GALNT17: variants seen among roughly 807,000 people sequenced by gnomAD.
GALNT17 encodes the protein polypeptide N-acetylgalactosaminyltransferase 17.
Under a neutral mutation model 63.7 loss-of-function variants are expected in GALNT17, and 29 were observed. That is an observed-to-expected ratio of 0.46 (90% confidence interval 0.34 to 0.62). The LOEUF is 0.62. GALNT17 is among the 20% of genes least tolerant of loss of function. The probability of loss-of-function intolerance (pLI) is 0.01; values close to 1 mark genes in which losing one functional copy is unlikely to be tolerated. For missense variants in GALNT17, 603 were observed against 799.6 expected (o/e 0.75, Z 2.97); for synonymous variants, 305 against 318.3 (o/e 0.96, Z 0.45).
chr7:71,710,808 GACC>G lies in GALNT17; in HGVS notation c.1554_1556del (p.Thr519del). ...GCTTCCTGCACTTGGGTGCCCTGGG[GACC>G]ACCACACTCCTCCCTGACACCCGCT... On this transcript the variant is annotated inframe_deletion, in exon 10 of 11. Transcript: ENST00000333538. 3 of 1,613,406 alleles carry G rather than the reference GACC, an allele frequency of 1.9e-6. No individual in the cohort carries two copies. The highest frequency in any genetic ancestry group is 2.5e-6 in the Non-Finnish European group (3 of 1,179,942).
chr7:71,494,119 A>T (rs1788055463), intron 5 of GALNT17, among the ~76,000 whole-genome samples: 3 of 152,120 alleles, frequency 2.0e-5, no homozygotes, highest in Admixed American at 1.3e-4. Flanking sequence ...TGATCATGGC[A>T]GAAGGTGAAG....
intron 5 of GALNT17, among the ~76,000 whole-genome samples, chr7:71,442,684 G>A (rs1455967351): frequency 6.6e-6 from 1 of 152,140 alleles, no homozygotes; most frequent in Non-Finnish European, 1.5e-5. Flanking sequence ...GTAGGCTCCT[G>A]TGTCATTAAG....
At chr7:71,272,331 G>T (rs1790608574) in intron 1 of GALNT17, among the ~76,000 whole-genome samples, 1 of 152,108 alleles carries the variant, frequency 6.6e-6, no homozygotes, top group Non-Finnish European at 1.5e-5. Flanking sequence ...TTTACCTTGG[G>T]TAGATACGTA....
chr7:71,471,949 G>A (rs924723846), intron 5 of GALNT17, among the ~76,000 whole-genome samples: 7 of 150,394 alleles, frequency 4.7e-5, no homozygotes, highest in African/African-American at 1.7e-4. Context: ...TTTTAATGTA[G>A]GTTGTTATCT....
At chr7:71,494,064 A>G (rs1204903152) in intron 5 of GALNT17, among the ~76,000 whole-genome samples, 1 of 152,140 alleles carries the variant, frequency 6.6e-6, no homozygotes, top group African/African-American at 2.4e-5. Context: ...AAGAGGTTTA[A>G]TTGACTCACA....
At chr7:71,372,575 C>G (rs1276381083) in intron 2 of GALNT17, among the ~76,000 whole-genome samples, 2 of 152,202 alleles carry the variant, frequency 1.3e-5, no homozygotes, top group East Asian at 3.9e-4. Flanking sequence ...CCTCAGCCTC[C>G]CTAGTAGCTG....
At chr7:71,473,809 A>T (rs1787680941) in intron 5 of GALNT17, among the ~76,000 whole-genome samples, 1 of 152,190 alleles carries the variant, frequency 6.6e-6, no homozygotes. Context: ...ATGGGGACAA[A>T]TATCAGTGCT....
chr7:71,333,158 C>A (rs1791835962), intron 1 of GALNT17, among the ~76,000 whole-genome samples: 1 of 152,254 alleles, frequency 6.6e-6, no homozygotes, highest in Non-Finnish European at 1.5e-5. Context: ...ATTTTCTCCC[C>A]AAGTTCCCCC....
At chr7:71,221,908 ATTTTTTT>A (rs370780821) in intron 1 of GALNT17, among the ~76,000 whole-genome samples, 327 of 114,702 alleles carry the variant, frequency 2.9e-3, no homozygotes, top group African/African-American at 9.4e-3. Flanking sequence ...CCTTATTTAG[ATTTTTTT>A]TTTTTTTTTT....
intron 6 of GALNT17, among the ~76,000 whole-genome samples, chr7:71,587,059 A>T (rs890189688): frequency 2.0e-5 from 3 of 152,024 alleles, no homozygotes; most frequent in African/African-American, 7.2e-5. Context: ...AAACAAAGTC[A>T]ATCTGTCACC....
At chr7:71,231,745 A>T (rs939562177) in intron 1 of GALNT17, among the ~76,000 whole-genome samples, 3 of 149,074 alleles carry the variant, frequency 2.0e-5, no homozygotes, top group African/African-American at 7.5e-5. Flanking sequence ...AGAGGGAGGG[A>T]GAGGGAGAGA....
intron 5 of GALNT17, among the ~76,000 whole-genome samples, chr7:71,458,646 C>T (rs772347312): frequency 6.6e-6 from 1 of 152,082 alleles, no homozygotes; most frequent in Non-Finnish European, 1.5e-5. Flanking sequence ...AGGGGTTTTA[C>T]TGAGTGTTGG....
chr7:71,254,548 T>C (rs917719247), intron 1 of GALNT17, among the ~76,000 whole-genome samples: 1 of 152,170 alleles, frequency 6.6e-6, no homozygotes, highest in Non-Finnish European at 1.5e-5. Flanking sequence ...AGTCTTCAGA[T>C]CTCTGTTTTA....
chr7:71,351,933 G>A (rs1355633087), intron 2 of GALNT17, among the ~76,000 whole-genome samples: 1 of 152,146 alleles, frequency 6.6e-6, no homozygotes, highest in Non-Finnish European at 1.5e-5. Flanking sequence ...GAGTGCAGAA[G>A]AGATGTAAGG....
intron 5 of GALNT17, among the ~76,000 whole-genome samples, chr7:71,570,140 G>A (rs576218651): frequency 6.6e-6 from 1 of 151,702 alleles, no homozygotes; most frequent in Admixed American, 6.6e-5. Flanking sequence ...ATTTTCAATA[G>A]GTCAACTTGT....
chr7:71,311,187 C>T (rs892432332), intron 1 of GALNT17, among the ~76,000 whole-genome samples: 3 of 152,294 alleles, frequency 2.0e-5, no homozygotes, highest in Admixed American at 6.5e-5. Flanking sequence ...GTTAACCCTA[C>T]GTTTTCTCCC....
At chr7:71,441,103 A>G (rs1293455290) in intron 5 of GALNT17, among the ~76,000 whole-genome samples, 1 of 151,360 alleles carries the variant, frequency 6.6e-6, no homozygotes, top group Non-Finnish European at 1.5e-5. Context: ...GCTCACTGCA[A>G]CCTCCGCCTC....
At chr7:71,487,218 G>A (rs556913401) in intron 5 of GALNT17, among the ~76,000 whole-genome samples, 20 of 152,298 alleles carry the variant, frequency 1.3e-4, no homozygotes, top group African/African-American at 4.6e-4. Flanking sequence ...TGCTGCCAGG[G>A]ATGGGGCCTA....
At chr7:71,255,635 C>T (rs1212113774) in intron 1 of GALNT17, among the ~76,000 whole-genome samples, 1 of 152,168 alleles carries the variant, frequency 6.6e-6, no homozygotes, top group Non-Finnish European at 1.5e-5. Context: ...CTTGTGAGTT[C>T]AGGGGAGAAG....
Sources: allele counts gnomAD v4.1 joint callset (sites outside exome capture counted in the v4.1 genomes callset), GRCh38; gene constraint gnomAD v4.1.1; transcripts MANE v1.5; gene names NCBI Gene and HGNC (gene_info 2026-07-23, HGNC 2026-07-21).